Variants in MACROD2 observed in about 807,000 individuals in gnomAD.
The protein encoded by MACROD2 is mono-ADP ribosylhydrolase 2.
A neutral mutation model predicts 70.4 loss-of-function variants in MACROD2; 36 were observed. The ratio of observed to expected loss-of-function variants is 0.51; its 90% confidence interval spans 0.39 to 0.68. MACROD2 has a LOEUF of 0.68. MACROD2 is among the 30% of genes least tolerant of loss of function. MACROD2 has a pLI of 0.00. For synonymous variants in MACROD2, 172 were observed against 178.8 expected (o/e 0.96, Z 0.30); for missense variants, 496 against 538.4 (o/e 0.92, Z 0.78).
intron 6 of MACROD2, among the ~76,000 whole-genome samples, chr20:15,353,303 T>C (rs1454690658): frequency 6.6e-6 from 1 of 152,200 alleles, no homozygotes; most frequent in African/African-American, 2.4e-5. Flanking sequence ...TAGCCATATG[T>C]AGAAAGCTGA....
At chr20:14,828,084 A>ACT (rs2072923003) in intron 5 of MACROD2, among the ~76,000 whole-genome samples, 3 of 152,122 alleles carry the variant, frequency 2.0e-5, no homozygotes, top group Non-Finnish European at 4.4e-5. Context: ...TACCAATTAA[A>ACT]GGTAAGCCCT....
intron 4 of MACROD2, among the ~76,000 whole-genome samples, chr20:14,549,429 T>A (rs1978507079): frequency 6.6e-6 from 1 of 152,220 alleles, no homozygotes; most frequent in Admixed American, 6.5e-5. Context: ...ACTGTTCTTA[T>A]CACCTGTTTT....
intron 6 of MACROD2, among the ~76,000 whole-genome samples, chr20:15,336,785 G>A (rs369977296): frequency 1.7e-4 from 25 of 151,452 alleles, no homozygotes; most frequent in Admixed American, 4.6e-4. Flanking sequence ...CCTTTTAACC[G>A]TAACACTGTT....
chr20:14,679,657 A>G (rs2070906258), intron 4 of MACROD2, among the ~76,000 whole-genome samples: 1 of 152,176 alleles, frequency 6.6e-6, no homozygotes. Flanking sequence ...ATATAGGGGT[A>G]TTACCTTTTT....
intron 3 of MACROD2, among the ~76,000 whole-genome samples, chr20:14,392,911 T>C (rs2083542963): frequency 6.6e-6 from 1 of 152,112 alleles, no homozygotes; most frequent in East Asian, 1.9e-4. Flanking sequence ...TCAGAAGCAT[T>C]TCCATAGTTA....
chr20:15,395,434 T>TG (rs1216240995), intron 6 of MACROD2, among the ~76,000 whole-genome samples: 6 of 152,328 alleles, frequency 3.9e-5, no homozygotes, highest in African/African-American at 1.4e-4. Flanking sequence ...ATTCATTTAC[T>TG]TATTTATCAT....
intron 10 of MACROD2, among the ~76,000 whole-genome samples, chr20:15,899,196 T>G (rs1218664062): frequency 2.0e-5 from 3 of 152,050 alleles, no homozygotes; most frequent in Non-Finnish European, 4.4e-5. Flanking sequence ...ATGCATCTAT[T>G]TACTTATCTA....
intron 3 of MACROD2, among the ~76,000 whole-genome samples, chr20:14,296,253 G>A (rs1172036288): frequency 6.6e-6 from 1 of 151,842 alleles, no homozygotes; most frequent in Non-Finnish European, 1.5e-5. Flanking sequence ...TCTGCTACAT[G>A]TGAAGATATG....
chr20:14,793,692 A>G (rs1284295157), intron 5 of MACROD2, among the ~76,000 whole-genome samples: 1 of 152,024 alleles, frequency 6.6e-6, no homozygotes, highest in Non-Finnish European at 1.5e-5. Flanking sequence ...AGCTCGAAGA[A>G]AAGACCCCCA....
chr20:14,679,876 G>T (rs969410325), intron 4 of MACROD2, among the ~76,000 whole-genome samples: 1 of 152,060 alleles, frequency 6.6e-6, no homozygotes, highest in Non-Finnish European at 1.5e-5. Flanking sequence ...ATAGTAACTA[G>T]GAATTCTTGA....
intron 2 of MACROD2, among the ~76,000 whole-genome samples, chr20:14,055,152 C>A (rs1281619453): frequency 6.6e-6 from 1 of 152,104 alleles, no homozygotes; most frequent in Non-Finnish European, 1.5e-5. Flanking sequence ...GAAATATTTT[C>A]TACACATTTC....
intron 5 of MACROD2, among the ~76,000 whole-genome samples, chr20:15,112,340 A>G (rs1383427534): frequency 2.0e-5 from 3 of 152,178 alleles, no homozygotes; most frequent in African/African-American, 7.2e-5. Context: ...AGAGGCTGAG[A>G]AATTTTGATG....
chr20:14,137,476 G>T (rs1257564624), intron 3 of MACROD2, among the ~76,000 whole-genome samples: 1 of 152,134 alleles, frequency 6.6e-6, no homozygotes, highest in Non-Finnish European at 1.5e-5. Flanking sequence ...TGTAAGGCAG[G>T]TCTAGAGGTG....
At chr20:14,100,005 G>T (rs1425506604) in intron 3 of MACROD2, among the ~76,000 whole-genome samples, 1 of 152,032 alleles carries the variant, frequency 6.6e-6, no homozygotes, top group Non-Finnish European at 1.5e-5. Flanking sequence ...CCAAGGATAA[G>T]AAGATGGGGT....
chr20:15,283,620 C>T (rs934509280), intron 6 of MACROD2, among the ~76,000 whole-genome samples: 2 of 151,746 alleles, frequency 1.3e-5, no homozygotes, highest in Non-Finnish European at 2.9e-5. Flanking sequence ...TGCAGTGAGC[C>T]GAGTTCACGC....
chr20:15,461,002 A>ATTTTTTT (rs199589127), intron 7 of MACROD2, among the ~76,000 whole-genome samples: 8 of 50,262 alleles, frequency 1.6e-4, no homozygotes, highest in Admixed American at 2.4e-4. Context: ...ATATATATAT[A>ATTTTTTT]TATATTTTTT....
chr20:15,128,716 T>C (rs1410996487), intron 5 of MACROD2, among the ~76,000 whole-genome samples: 1 of 152,096 alleles, frequency 6.6e-6, no homozygotes, highest in East Asian at 1.9e-4. Context: ...TGAACAATGA[T>C]GATGCATTTG....
At chr20:14,630,267 C>A (rs1358932037) in intron 4 of MACROD2, among the ~76,000 whole-genome samples, 2 of 152,034 alleles carry the variant, frequency 1.3e-5, no homozygotes, top group Non-Finnish European at 2.9e-5. Flanking sequence ...GGAGAAAAAG[C>A]AAGAGAAATT....
intron 6 of MACROD2, among the ~76,000 whole-genome samples, chr20:15,338,973 T>C (rs991217166): frequency 6.6e-6 from 1 of 151,908 alleles, no homozygotes; most frequent in African/African-American, 2.4e-5. Flanking sequence ...TGGCAGCCAC[T>C]GAAGCTTGTT....
Sources: allele counts gnomAD v4.1 joint callset (sites outside exome capture counted in the v4.1 genomes callset), GRCh38; gene constraint gnomAD v4.1.1; transcripts MANE v1.5; gene names NCBI Gene and HGNC (gene_info 2026-07-23, HGNC 2026-07-21).